The following DGKB variants were observed in gnomAD, a reference collection of about 807,000 sequenced individuals.
DGKB encodes 90 kDa diacylglycerol kinase.
DGKB carries 67 observed loss-of-function variants against 114.3 expected under a neutral mutation model. That is an observed-to-expected ratio of 0.59 (90% CI 0.48 to 0.72). The LOEUF (loss-of-function observed/expected upper bound fraction) is 0.72. DGKB is among the 30% of genes least tolerant of loss of function. The pLI is 0.00. For missense variants in DGKB, 907 were observed against 975.2 expected, an observed-to-expected ratio of 0.93 and a Z score of 0.93; for synonymous variants, 398 against 323.1, an observed-to-expected ratio of 1.23 and a Z score of -2.49.
chr7:14,566,218 A>G (rs1350453154), intron 20 of DGKB, among the ~76,000 whole-genome samples: 2 of 152,186 alleles, frequency 1.3e-5, no homozygotes, highest in Non-Finnish European at 2.9e-5. Context: ...TAATAATTAT[A>G]AAAGATTTTT....
At chr7:14,593,895 A>G (rs1479193855) in intron 17 of DGKB, among the ~76,000 whole-genome samples, 1 of 151,954 alleles carries the variant, frequency 6.6e-6, no homozygotes, top group East Asian at 1.9e-4. Context: ...AGCTAGCATG[A>G]TAAGGAAGTC....
intron 1 of DGKB, among the ~76,000 whole-genome samples, chr7:14,962,195 C>G (rs1336057830): frequency 6.6e-6 from 1 of 152,056 alleles, no homozygotes; most frequent in Non-Finnish European, 1.5e-5. Flanking sequence ...TCCAGATATT[C>G]AAAATAGAGA....
Position 14,577,479 on chromosome 7 carries a change from A to T in DGKB, c.1610-3107T>A, listed in dbSNP as rs1050784924. Among the ~76,000 whole-genome samples, 10 of 151,994 alleles carry T rather than the reference A, an allele frequency of 6.6e-5. No homozygotes were observed. In the South Asian group the frequency reaches 1.0e-3, roughly 16 times the overall value. On this transcript the variant is annotated intron_variant, in intron 19 of 25. Coordinates refer to ENST00000402815, the MANE Select transcript of DGKB (RefSeq NM_001350709.2). Reference sequence around the variant, plus strand: ...AAAAGTACAAAAAATTAGCCTGGCAAGGTGGCGGGCGCCCGTAGTACCAGC... The same window carrying T: ...AAAAGTACAAAAAATTAGCCTGGCATGGTGGCGGGCGCCCGTAGTACCAGC...
At chr7:14,694,246 T>C (rs1823423923) in intron 8 of DGKB, 52 bp from the exon 9 acceptor site, 10 of 1,500,276 alleles carry the variant, frequency 6.7e-6, no homozygotes, top group Non-Finnish European at 9.0e-6. Context: ...AAAATAAATT[T>C]CATAGGCTAC....
Position 14,740,165 on chromosome 7 carries a change from A to G in DGKB, c.169-3971T>C, listed in dbSNP as rs573207410. Reference sequence around the variant, plus strand: ...AGGAGTCCAGCTCAGTGGGACAACAATTAAGTTTCTCTCTGTTTGCATAAG... The same window carrying G: ...AGGAGTCCAGCTCAGTGGGACAACAGTTAAGTTTCTCTCTGTTTGCATAAG... On this transcript the variant is annotated intron_variant, in intron 4 of 25. Coordinates refer to ENST00000402815, the MANE Select transcript of DGKB (RefSeq NM_001350709.2). Among the ~76,000 whole-genome samples, 19 of 151,562 alleles carry G rather than the reference A, an allele frequency of 1.3e-4. No homozygotes were observed. In the South Asian group the frequency reaches 3.8e-3, roughly 30 times the overall value.
chr7:14,225,699 G>A (rs1335123011), intron 23 of DGKB, among the ~76,000 whole-genome samples: 1 of 151,614 alleles, frequency 6.6e-6, no homozygotes, highest in Non-Finnish European at 1.5e-5. Flanking sequence ...ACAATCACAG[G>A]ATATATTTTT....
At chr7:14,797,932 G>C (rs543286910) in intron 2 of DGKB, among the ~76,000 whole-genome samples, 1 of 152,262 alleles carries the variant, frequency 6.6e-6, no homozygotes, top group African/African-American at 2.4e-5. Context: ...ATGGACACCG[G>C]AGAGTGAATA....
intron 20 of DGKB, among the ~76,000 whole-genome samples, chr7:14,549,312 G>C (rs1427488229): frequency 6.6e-6 from 1 of 152,134 alleles, no homozygotes; most frequent in African/African-American, 2.4e-5. Flanking sequence ...GTACAAGTAA[G>C]TCTGAGAAAC....
intron 21 of DGKB, among the ~76,000 whole-genome samples, chr7:14,403,284 C>T (rs1290985781): frequency 6.6e-6 from 1 of 151,780 alleles, no homozygotes; most frequent in East Asian, 1.9e-4. Context: ...TGCTCCTAGA[C>T]AGCAGTCAAG....
At chr7:14,918,358 GAAAC>G (rs1037431877) in intron 1 of DGKB, among the ~76,000 whole-genome samples, 6 of 152,186 alleles carry the variant, frequency 3.9e-5, no homozygotes, top group East Asian at 3.9e-4. Context: ...CAACAAAAAT[GAAAC>G]AAACAAAGGA....
chr7:14,920,488 C>T (rs1002178846), intron 1 of DGKB, among the ~76,000 whole-genome samples: 7 of 152,156 alleles, frequency 4.6e-5, no homozygotes, highest in African/African-American at 1.4e-4. Context: ...TCCAAAAATT[C>T]TCCAATACGC....
intron 1 of DGKB, among the ~76,000 whole-genome samples, chr7:14,962,942 G>C (rs1270831663): frequency 6.6e-6 from 1 of 152,030 alleles, no homozygotes; most frequent in East Asian, 1.9e-4. Context: ...AAAGCAACCA[G>C]AGCCAAAAAT....
At chr7:14,196,982 A>G (rs1160792490) in intron 23 of DGKB, among the ~76,000 whole-genome samples, 1 of 152,132 alleles carries the variant, frequency 6.6e-6, no homozygotes, top group Middle Eastern at 3.2e-3. Flanking sequence ...TCGTAGTGTG[A>G]AAAGTAGAAA....
At chr7:14,182,689 G>T (rs892170287) in intron 23 of DGKB, among the ~76,000 whole-genome samples, 4 of 152,066 alleles carry the variant, frequency 2.6e-5, no homozygotes, top group African/African-American at 9.7e-5. Flanking sequence ...TGAAAGTCAG[G>T]GGCACATATA....
At chr7:14,835,309 CACT>C (rs1846998872) in intron 2 of DGKB, among the ~76,000 whole-genome samples, 1 of 152,146 alleles carries the variant, frequency 6.6e-6, no homozygotes, top group Non-Finnish European at 1.5e-5. Flanking sequence ...CCTCAGCCAC[CACT>C]ATCACAATCC....
At chr7:14,186,863 TG>T (rs555791988) in intron 23 of DGKB, among the ~76,000 whole-genome samples, 152 of 151,960 alleles carry the variant, frequency 1.0e-3, no homozygotes, top group Non-Finnish European at 1.8e-3. Context: ...TTTGGGGACT[TG>T]GGGGGAAGAG....
At chr7:14,693,375 A>C (rs1823228712) in intron 9 of DGKB, among the ~76,000 whole-genome samples, 1 of 152,034 alleles carries the variant, frequency 6.6e-6, no homozygotes, top group African/African-American at 2.4e-5. Context: ...CTGGGTCAGC[A>C]AGATTTGCTT....
At chr7:14,798,337 G>T (rs1841695019) in intron 2 of DGKB, among the ~76,000 whole-genome samples, 1 of 152,096 alleles carries the variant, frequency 6.6e-6, no homozygotes, top group Non-Finnish European at 1.5e-5. Context: ...TGTTAGTCAG[G>T]CATCTTCTCC....
At chr7:14,588,273 T>C (rs939192301) in intron 17 of DGKB, among the ~76,000 whole-genome samples, 1 of 152,136 alleles carries the variant, frequency 6.6e-6, no homozygotes, top group Non-Finnish European at 1.5e-5. Flanking sequence ...TGAATAACTT[T>C]TTTTTCAAAT....
Sources: allele counts gnomAD v4.1 joint callset (sites outside exome capture counted in the v4.1 genomes callset), GRCh38; gene constraint gnomAD v4.1.1; transcripts MANE v1.5; gene names NCBI Gene and HGNC (gene_info 2026-07-23, HGNC 2026-07-21).